EPHX2: variants seen among roughly 807,000 people sequenced by gnomAD.
EPHX2 encodes the protein epoxide hydrolase 2, also known as bifunctional epoxide hydrolase 2.
In EPHX2, 74 loss-of-function variants were observed where a neutral mutation model predicts 78.7. The ratio of observed to expected loss-of-function variants is 0.94; its 90% CI spans 0.78 to 1.14. EPHX2 has a LOEUF of 1.14. Ranked by LOEUF, EPHX2 falls within the 50% of genes most tolerant of loss-of-function variation. The pLI is 0.00. For synonymous variants in EPHX2, 251 were observed against 255.2 expected (o/e 0.98, Z 0.16); for missense variants, 715 against 702.5 (o/e 1.02, Z -0.20).
At chr8:27,541,913 GCT>G (rs1311717470) in intron 16 of EPHX2, among the ~76,000 whole-genome samples, 1 of 152,022 alleles carries the variant, frequency 6.6e-6, no homozygotes, top group Non-Finnish European at 1.5e-5. Flanking sequence ...AGCGTTAGGT[GCT>G]CTCAGAGATG....
intron 13 of EPHX2, 73 bp from the exon 14 acceptor site, chr8:27,538,586 G>T (rs1408069903): frequency 2.1e-6 from 3 of 1,401,602 alleles, no homozygotes; most frequent in Non-Finnish European, 3.0e-6. Context: ...GTCGTAACAG[G>T]GTTTTCAGAT....
rs757054443 is a variant in EPHX2 at position 27,516,397 on chromosome 8, C to T, written c.909C>T (p.Pro303=). 3.2e-5 allele frequency: 51 copies of T among 1,613,838 alleles called. No homozygotes were observed. The highest frequency in any genetic ancestry group is 1.3e-4 in the Admixed American group (8 of 60,012). ...MKGYGESSAP[P]EIEEYCMEVL... ...GCTATGGAGAGTCATCTGCTCCTCC[C>T]GGTGGGTGTGCTGTCTTGCAGCTGT... Residue 303 remains proline, a splice_region_variant and synonymous_variant, in exon 8 of 19, where the codon CCC becomes CCT. Transcript: ENST00000521400.
chr8:27,500,305 C>A (rs1469029728), intron 1 of EPHX2, among the ~76,000 whole-genome samples: 1 of 152,176 alleles, frequency 6.6e-6, no homozygotes, highest in Non-Finnish European at 1.5e-5. Context: ...GCTTCCCCTT[C>A]ACCCTCCGCC....
At position 27,511,849 on chromosome 8, in the gene EPHX2, C is replaced by T. The variant is rs72475821; in HGVS notation, c.674C>T (p.Pro225Leu). 574 of 1,614,002 alleles carry T rather than the reference C, an allele frequency of 3.6e-4. 4 individuals carry two copies. The Admixed American group carries it at 8.4e-3, about 24-fold the overall frequency. The change falls in exon 6 of 19, where the codon CCG (proline) becomes CTG (leucine). Residue 225 changes from proline to leucine, a missense_variant. Physicochemically the swap from Pro to Leu is moderately conservative, Grantham distance 98. Coordinates refer to ENST00000521400, the MANE Select transcript of EPHX2 (RefSeq NM_001979.6). ...KVTGIQLLNT[P>L]APLPTSCNPS... ...TCCTGCTTACAGCTTCTCAATACCCCGGCCCCTCTGCCGACCTCTTGCAAT... is the reference window on the plus strand; with the variant it reads ...TCCTGCTTACAGCTTCTCAATACCCTGGCCCCTCTGCCGACCTCTTGCAAT...
rs541743976 is a variant in EPHX2 at position 27,540,627 on chromosome 8, T to C, written c.1350T>C (p.Tyr450=). The change falls in exon 15 of 19, where the codon TAT becomes TAC. Residue 450 remains tyrosine, a synonymous_variant. Transcript: ENST00000521400. ...TCACTGAGGAGGAAATCCAGTTCTATGTGCAGCAGTTCAAGAAGTCTGGTT... is the reference window on the plus strand; with the variant it reads ...TCACTGAGGAGGAAATCCAGTTCTACGTGCAGCAGTTCAAGAAGTCTGGTT... ...RMVTEEEIQF[Y]VQQFKKSGFR... is the part of the protein sequence containing the mutation. 1 of 1,614,078 alleles carries C rather than the reference T, an allele frequency of 6.2e-7. No homozygotes were observed. The highest frequency in any genetic ancestry group is 1.3e-5 in the African/African-American group (1 of 75,040).
At chr8:27,492,637 A>G (rs902795165) in intron 1 of EPHX2, among the ~76,000 whole-genome samples, 7 of 152,218 alleles carry the variant, frequency 4.6e-5, no homozygotes, top group Non-Finnish European at 1.0e-4. Flanking sequence ...GGACCCCAGC[A>G]GGTTGCCGCT....
At chr8:27,491,859 A>G (rs1428733726) in intron 1 of EPHX2, among the ~76,000 whole-genome samples, 4 of 152,192 alleles carry the variant, frequency 2.6e-5, no homozygotes, top group Non-Finnish European at 4.4e-5. Flanking sequence ...AAAAAGGTAC[A>G]TGCAGAAAAG....
chr8:27,533,353 G>A (rs1021988841), intron 12 of EPHX2, among the ~76,000 whole-genome samples: 13 of 152,302 alleles, frequency 8.5e-5, no homozygotes, highest in Admixed American at 7.8e-4. Flanking sequence ...CTGTGCGCAG[G>A]AACACAGAAG....
intron 12 of EPHX2, among the ~76,000 whole-genome samples, chr8:27,531,665 C>A (rs958210762): frequency 1.7e-4 from 26 of 152,190 alleles, no homozygotes; most frequent in African/African-American, 5.8e-4. Context: ...TTGTAAAGGG[C>A]AGGAGGGCTG....
chr8:27,537,669 G>A (rs796759681), intron 13 of EPHX2, among the ~76,000 whole-genome samples: 21 of 151,918 alleles, frequency 1.4e-4, no homozygotes, highest in African/African-American at 5.1e-4. Context: ...AAATCATTCT[G>A]ATCTCTTTTG....
At chr8:27,528,570 G>A (rs2132772102) in intron 12 of EPHX2, among the ~76,000 whole-genome samples, 1 of 152,264 alleles carries the variant, frequency 6.6e-6, no homozygotes, top group East Asian at 1.9e-4. Flanking sequence ...CTGATTCCAG[G>A]TCAGCAAATA....
rs557211599 is a variant in EPHX2, at chr8:27,505,160, T to A, written c.537+14T>A. On this transcript the variant is annotated intron_variant, in intron 4 of 18. Coordinates refer to ENST00000521400, the MANE Select transcript of EPHX2 (RefSeq NM_001979.6). ...AGCCCCAGTGAGGTACGGAGACACT[T>A]CCTTATGGCAGAGAAGGATGTTCAG... 2.6e-4 allele frequency: 422 copies of A among 1,613,288 alleles called. 3 individuals are homozygous for A. The South Asian group carries it at 4.4e-3, about 17-fold the overall frequency.
At chr8:27,528,665 C>T (rs1342788240) in intron 12 of EPHX2, among the ~76,000 whole-genome samples, 2 of 152,174 alleles carry the variant, frequency 1.3e-5, no homozygotes, top group African/African-American at 4.8e-5. Flanking sequence ...CCCGCTCCCT[C>T]CCTGGCCAGG....
chr8:27,532,272 A>G (rs1815070429), intron 12 of EPHX2, among the ~76,000 whole-genome samples: 1 of 152,158 alleles, frequency 6.6e-6, no homozygotes, highest in Admixed American at 6.5e-5. Flanking sequence ...GCTGGGGGCC[A>G]GAAATGGGAG....
chr8:27,515,792 T>G lies in EPHX2; in HGVS notation c.810T>G (p.Ser270Arg), dbSNP rs35169320. The change falls in exon 7 of 19, where the codon AGT becomes AGG. Residue 270 changes from serine (S) to arginine (R), a missense_variant. Coordinates refer to ENST00000521400, the MANE Select transcript of EPHX2 (RefSeq NM_001979.6). ...GCCTCTGCCATGGATTTCCCGAGAGTTGGTATTCTTGGAGGTACCAGGTGA... is the reference window on the plus strand; with the variant it reads ...GCCTCTGCCATGGATTTCCCGAGAGGTGGTATTCTTGGAGGTACCAGGTGA... Reference protein sequence around the residue: ...AVCLCHGFPESWYSWRYQIPA... With the variant: ...AVCLCHGFPERWYSWRYQIPA... 2 of 1,613,880 alleles carry G rather than the reference T, an allele frequency of 1.2e-6. No homozygotes were observed. The highest frequency in any genetic ancestry group is 1.3e-5 in the African/African-American group (1 of 74,984).
downstream of EPHX2, among the ~76,000 whole-genome samples, chr8:27,547,363 T>G (rs1188710467): frequency 6.6e-6 from 1 of 152,228 alleles, no homozygotes; most frequent in Non-Finnish European, 1.5e-5. Flanking sequence ...AGATGCCATT[T>G]TAAGTACAAA....
intron 12 of EPHX2, among the ~76,000 whole-genome samples, chr8:27,528,658 G>A (rs1452441821): frequency 6.6e-6 from 1 of 152,066 alleles, no homozygotes; most frequent in Non-Finnish European, 1.5e-5. Flanking sequence ...CTCCTAACCC[G>A]CTCCCTCCCT....
At chr8:27,540,702 G>A (rs2132801237) in intron 15 of EPHX2, 46 bp downstream of exon 15, 1 of 1,574,014 alleles carries the variant, frequency 6.4e-7, no homozygotes, top group East Asian at 2.2e-5. Flanking sequence ...ATGATCGACA[G>A]ATAGGGATCT....
chr8:27,504,036 A>G (rs997963807), intron 3 of EPHX2, among the ~76,000 whole-genome samples: 1 of 152,222 alleles, frequency 6.6e-6, no homozygotes, highest in African/African-American at 2.4e-5. Flanking sequence ...CACTTTAGTA[A>G]TGACCCAAAT....
Sources: gnomAD v4.1 joint callset for allele counts (sites outside exome capture counted in the v4.1 genomes callset) on GRCh38, gnomAD v4.1.1 for gene constraint, MANE v1.5 for transcripts, NCBI Gene and HGNC (gene_info 2026-07-23, HGNC 2026-07-21) for gene names.